PSMD1: variants seen among roughly 807,000 people sequenced by gnomAD.
PSMD1 encodes 26S proteasome non-ATPase regulatory subunit 1.
In PSMD1, 18 loss-of-function variants were observed where a neutral mutation model predicts 119.0. That is an observed-to-expected ratio of 0.15 (90% CI 0.10 to 0.22). The LOEUF (loss-of-function observed/expected upper bound fraction) is 0.22, where lower values mean the gene tolerates loss of function less well. PSMD1 is among the 10% of genes least tolerant of loss of function. The pLI is 1.00. For synonymous variants in PSMD1, 374 were observed against 396.6 expected (o/e 0.94, Z 0.68); for missense variants, 702 against 1,158.5 (o/e 0.61, Z 5.72).
intron 16 of PSMD1, among the ~76,000 whole-genome samples, chr2:231,109,919 C>T (rs1695097624): frequency 6.6e-6 from 1 of 152,124 alleles, no homozygotes; most frequent in African/African-American, 2.4e-5. Flanking sequence ...TAATCCTTTC[C>T]ATCTAACTTC....
chr2:231,102,141 A>G lies in PSMD1; in HGVS notation c.1883+14960A>G, dbSNP rs1694883359. ...TCTGGCTATGTTTTTTAACTGAGGT[A>G]TATACATTTTTTTGGACATAATGAT... On this transcript the variant is annotated intron_variant, in intron 16 of 24. Transcript: ENST00000308696. 1.3e-5 allele frequency among the ~76,000 whole-genome samples: 2 copies of G among 152,148 alleles called. 1 individual carries two copies. The highest frequency in any genetic ancestry group is 1.3e-4 in the Admixed American group (2 of 15,276).
chr2:231,157,582 T>G (rs1022012755), intron 19 of PSMD1, among the ~76,000 whole-genome samples: 1 of 145,608 alleles, frequency 6.9e-6, no homozygotes, highest in Non-Finnish European at 1.5e-5. Context: ...AAAGTTCTTT[T>G]TTTTGGGGGG....
chr2:231,056,901 G>T lies in PSMD1; in HGVS notation c.-125G>T, dbSNP rs1369193842. On this transcript the variant is annotated 5_prime_UTR_variant, in exon 1 of 25. Coordinates refer to ENST00000308696, the MANE Select transcript of PSMD1 (RefSeq NM_002807.4). ...AGAAGCGAGCCGGCGGCCTGAGGAGGCGACTGACTGAGCAGCGCACCCGGG... is the reference window on the plus strand; with the variant it reads ...AGAAGCGAGCCGGCGGCCTGAGGAGTCGACTGACTGAGCAGCGCACCCGGG... 1 of 1,334,254 alleles carries T rather than the reference G, an allele frequency of 7.5e-7. No homozygotes were observed. 82.7% of individuals were successfully genotyped at this position (1,334,254 alleles called of 1,614,324 possible).
At chr2:231,115,461 A>C (rs968335100) in intron 16 of PSMD1, among the ~76,000 whole-genome samples, 1 of 152,180 alleles carries the variant, frequency 6.6e-6, no homozygotes, top group Admixed American at 6.6e-5. Context: ...ACTTTTACTC[A>C]GAAAGAATAA....
At chr2:231,097,416 T>C (rs1694752873) in intron 16 of PSMD1, among the ~76,000 whole-genome samples, 1 of 152,210 alleles carries the variant, frequency 6.6e-6, no homozygotes, top group Non-Finnish European at 1.5e-5. Context: ...TATACTTCCA[T>C]TAGGAACAGT....
intron 20 of PSMD1, among the ~76,000 whole-genome samples, chr2:231,162,876 T>C (rs1306184602): frequency 2.7e-5 from 4 of 145,842 alleles, no homozygotes; most frequent in African/African-American, 1.0e-4. Context: ...GGCGGGTGGA[T>C]CACGAGGTCA....
intron 1 of PSMD1, among the ~76,000 whole-genome samples, chr2:231,058,636 A>G (rs905788598): frequency 2.0e-5 from 3 of 152,018 alleles, no homozygotes; most frequent in Non-Finnish European, 4.4e-5. Context: ...CACCCCTGGC[A>G]TACAGTAAAA....
At chr2:231,119,509 A>G (rs1374200416) in intron 16 of PSMD1, among the ~76,000 whole-genome samples, 1 of 152,162 alleles carries the variant, frequency 6.6e-6, no homozygotes, top group Non-Finnish European at 1.5e-5. Flanking sequence ...TCTTTCAGCC[A>G]TTTTATATAC....
intron 7 of PSMD1, among the ~76,000 whole-genome samples, chr2:231,073,560 A>G (rs1694089741): frequency 6.6e-6 from 1 of 152,018 alleles, no homozygotes; most frequent in Non-Finnish European, 1.5e-5. Flanking sequence ...TTGGGATTGT[A>G]TTGAATATCT....
intron 16 of PSMD1, among the ~76,000 whole-genome samples, chr2:231,136,157 A>G (rs1695959353): frequency 6.6e-6 from 1 of 152,232 alleles, no homozygotes; most frequent in African/African-American, 2.4e-5. Flanking sequence ...TAAAATGTCA[A>G]TTAATTAAAT....
intron 16 of PSMD1, among the ~76,000 whole-genome samples, chr2:231,133,001 G>T (rs1695886931): frequency 2.0e-5 from 3 of 152,144 alleles, no homozygotes; most frequent in Admixed American, 2.0e-4. Flanking sequence ...CTTGGAGAGG[G>T]ATGCCCTTTT....
intron 16 of PSMD1, among the ~76,000 whole-genome samples, chr2:231,096,171 G>A (rs1694719544): frequency 6.6e-6 from 1 of 152,152 alleles, no homozygotes; most frequent in Non-Finnish European, 1.5e-5. Flanking sequence ...TGATTGCCTT[G>A]TTGATCTTGC....
At chr2:231,059,492 GGAGA>G (rs150668900) in intron 1 of PSMD1, among the ~76,000 whole-genome samples, 1 of 151,424 alleles carries the variant, frequency 6.6e-6, no homozygotes, top group Non-Finnish European at 1.5e-5. Flanking sequence ...GCAGGGGAAT[GGAGA>G]GAGAGAGAGA....
At chr2:231,132,193 A>G (rs1312512365) in intron 16 of PSMD1, among the ~76,000 whole-genome samples, 1 of 152,248 alleles carries the variant, frequency 6.6e-6, no homozygotes, top group Non-Finnish European at 1.5e-5. Context: ...TCTACTAAAG[A>G]AAAGAACTTG....
intron 7 of PSMD1, among the ~76,000 whole-genome samples, chr2:231,074,428 C>T (rs1265629414): frequency 6.6e-6 from 1 of 152,092 alleles, no homozygotes; most frequent in Non-Finnish European, 1.5e-5. Context: ...TTTGATTTAA[C>T]AAGTTTTCTT....
chr2:231,164,176 C>G (rs775008227), intron 21 of PSMD1, among the ~76,000 whole-genome samples: 2 of 151,852 alleles, frequency 1.3e-5, no homozygotes, highest in Non-Finnish European at 2.9e-5. Context: ...TTTGTTAGCC[C>G]TACACAAGTG....
intron 16 of PSMD1, among the ~76,000 whole-genome samples, chr2:231,131,992 T>G (rs1022965875): frequency 1.3e-5 from 2 of 152,214 alleles, no homozygotes; most frequent in African/African-American, 4.8e-5. Context: ...TGTCAGGTTT[T>G]TTATATGCTT....
chr2:231,115,703 G>C (rs1480255757), intron 16 of PSMD1, among the ~76,000 whole-genome samples: 3 of 152,112 alleles, frequency 2.0e-5, no homozygotes, highest in Admixed American at 6.5e-5. Flanking sequence ...AATTAAGTCT[G>C]AATATAGAGG....
chr2:231,134,848 C>T (rs936398980), intron 16 of PSMD1, among the ~76,000 whole-genome samples: 3 of 152,200 alleles, frequency 2.0e-5, no homozygotes, highest in Admixed American at 6.5e-5. Flanking sequence ...AAAAGTGGAA[C>T]AGGAAAGAGC....
Sources: allele counts gnomAD v4.1 joint callset (sites outside exome capture counted in the v4.1 genomes callset), GRCh38; gene constraint gnomAD v4.1.1; transcripts MANE v1.5; gene names NCBI Gene and HGNC (gene_info 2026-07-23, HGNC 2026-07-21).